Variants in HMGCS2 observed in about 807,000 individuals in gnomAD.
HMGCS2 encodes the protein hydroxymethylglutaryl-CoA synthase, mitochondrial.
Under a neutral mutation model 57.4 loss-of-function variants are expected in HMGCS2, and 50 were observed. The ratio of observed to expected loss-of-function variants is 0.87; its 90% CI spans 0.69 to 1.10. The LOEUF (loss-of-function observed/expected upper bound fraction) is 1.10. Among genes scored for constraint, HMGCS2 ranks in the 50% least tolerant of loss-of-function variants. HMGCS2 has a pLI of 0.00. For synonymous variants in HMGCS2, 254 were observed against 245.1 expected (o/e 1.04, Z -0.34); for missense variants, 627 against 636.5 (o/e 0.99, Z 0.16).
Position 119,753,420 on chromosome 1 carries a change from C to A in HMGCS2, c.1188-34G>T, listed in dbSNP as rs1652729341. The A allele has an allele frequency of 3.8e-6, 3 of 780,082 alleles. No homozygotes were observed. In the East Asian group the frequency reaches 8.0e-5, roughly 21 times the overall value. The allele number at this position is 780,082 out of a possible 1,614,324, so 48.3% of individuals were successfully genotyped here. On this transcript the variant is annotated intron_variant, in intron 6 of 9. Coordinates refer to ENST00000369406, the MANE Select transcript of HMGCS2 (RefSeq NM_005518.4). ...AAAGAAATCAAATAAAACACACACA[C>A]ACACACACACACACACACACACACA...
At chr1:119,755,912 T>TA (rs1491355855) in intron 5 of HMGCS2, among the ~76,000 whole-genome samples, 9 of 22,378 alleles carry the variant, frequency 4.0e-4, no homozygotes, top group African/African-American at 9.4e-4. Flanking sequence ...TATATATATA[T>TA]TTTTTTTCCA....
chr1:119,750,044 A>T (rs947324036), intron 9 of HMGCS2, among the ~76,000 whole-genome samples: 4 of 152,092 alleles, frequency 2.6e-5, no homozygotes, highest in Non-Finnish European at 5.9e-5. Flanking sequence ...ATCCTCTTTC[A>T]CCTTGCTCTC....
In HMGCS2 at chr1:119,764,158, G is replaced by T. The variant is rs587731229; in HGVS notation, c.559+14C>A. ...CCAGCACCTTTCTTACATAAGGTTCGTGGCCGTACATACCATCCCAGGAAC... is the reference window on the plus strand; with the variant it reads ...CCAGCACCTTTCTTACATAAGGTTCTTGGCCGTACATACCATCCCAGGAAC... On this transcript the variant is annotated intron_variant, in intron 2 of 9. Transcript: ENST00000369406. 1 of 1,610,550 alleles carries T rather than the reference G, an allele frequency of 6.2e-7. No homozygotes were observed. Among genetic ancestry groups the T allele is most frequent in the African/African-American group, 1.3e-5 (1 of 74,950 alleles).
intron 3 of HMGCS2, 140 bp downstream of exon 3, chr1:119,759,724 G>C: frequency 9.9e-7 from 1 of 1,010,492 alleles, no homozygotes; most frequent in Non-Finnish European, 1.5e-6. Context: ...CTGCTCCATA[G>C]ACCAGCCCTT....
In HMGCS2 at chr1:119,757,424, G is replaced by T; in HGVS notation, c.865C>A (p.Pro289Thr). The T allele has an allele frequency of 1.2e-6, 2 of 1,613,988 alleles. No individual in the cohort carries two copies. Among genetic ancestry groups the T allele is most frequent in the Non-Finnish European group, 1.7e-6 (2 of 1,179,840 alleles). The change falls in exon 5 of 10, where the codon CCC (proline) becomes ACC (threonine). Residue 289 changes from proline to threonine, a missense_variant. Physicochemically the swap from Pro to Thr is conservative, Grantham distance 38. Coordinates refer to ENST00000369406, the MANE Select transcript of HMGCS2 (RefSeq NM_005518.4). ...NQWKQAGSDR[P>T]FTLDDLQYMI... ...TACTGTAAATCGTCAAGGGTGAAGG[G>T]TCGATCGCTGCCAGCTGGAAGAGGA...
chr1:119,768,607 A>G (rs1653317740), intron 1 of HMGCS2, 134 bp downstream of exon 1: 1 of 710,538 alleles, frequency 1.4e-6, no homozygotes, highest in African/African-American at 1.7e-5. Context: ...GACCCTTTAA[A>G]GTTAACTTGC....
chr1:119,757,730 A>T (rs1652898123), intron 4 of HMGCS2, among the ~76,000 whole-genome samples: 1 of 152,220 alleles, frequency 6.6e-6, no homozygotes, highest in Non-Finnish European at 1.5e-5. Flanking sequence ...TTGCCAGAGG[A>T]GGAACCGGTC....
intron 1 of HMGCS2, among the ~76,000 whole-genome samples, chr1:119,767,848 C>G (rs939906335): frequency 1.3e-5 from 2 of 152,110 alleles, no homozygotes; most frequent in Non-Finnish European, 2.9e-5. Context: ...ACATTTAACC[C>G]ACATGCAGGG....
rs753951704 is a variant in HMGCS2 at position 119,755,534 on chromosome 1, A to C, written c.1080T>G (p.Ser360=). 61 of 1,613,978 alleles carry C rather than the reference A, an allele frequency of 3.8e-5. No individual in the cohort carries two copies. Among genetic ancestry groups the C allele is most frequent in the Non-Finnish European group, 4.9e-5 (58 of 1,180,022 alleles). The change falls in exon 6 of 10, where the codon TCT becomes TCG. Residue 360 remains serine (S), a synonymous_variant. Transcript: ENST00000369406. ...TGGTTTTCTTGTCGAACATGTCCTG[A>C]GAGGCCTTTAGAAGTGCTTTATCCA... is the stretch of plus-strand genomic sequence containing the variant. ...KDLDKALLKA[S]QDMFDKKTKA...
In HMGCS2 at chr1:119,753,260, A is replaced by C; in HGVS notation, c.1294+20T>G. On this transcript the variant is annotated intron_variant, in intron 7 of 9. Transcript: ENST00000369406. ...CAGATGAATCTTGTCAGGAAGGCCT[A>C]CTAGAAAGATGACACTCACCTGGAG... 2 of 1,458,506 alleles carry C rather than the reference A, an allele frequency of 1.4e-6. No individual in the cohort carries two copies. The highest frequency in any genetic ancestry group is 1.9e-6 in the Non-Finnish European group (2 of 1,038,548). The allele number at this position is 1,458,506 out of a possible 1,614,324, so 90.3% of individuals were successfully genotyped here. A position where few individuals can be genotyped will look rare whatever the true frequency, so the allele number is the denominator to read the frequency against.
chr1:119,759,561 G>A, intron 3 of HMGCS2: 1 of 576,244 alleles, frequency 1.7e-6, no homozygotes, highest in East Asian at 3.0e-5. Flanking sequence ...TTTATATCCA[G>A]TTATATATTT....
intron 5 of HMGCS2, among the ~76,000 whole-genome samples, chr1:119,756,831 T>A (rs2101257269): frequency 6.6e-6 from 1 of 152,302 alleles, no homozygotes; most frequent in South Asian, 2.1e-4. Flanking sequence ...CTTCTGTGTG[T>A]TTGTGTCTGT....
intron 8 of HMGCS2, among the ~76,000 whole-genome samples, chr1:119,751,630 ACTCCTGGC>A (rs1381493751): frequency 6.6e-6 from 1 of 151,420 alleles, no homozygotes; most frequent in Non-Finnish European, 1.5e-5. Context: ...CTGGTCTCAA[ACTCCTGGC>A]CTCAAGTGAT....
intron 2 of HMGCS2, 120 bp from the exon 3 acceptor site, chr1:119,760,109 T>C: frequency 1.1e-6 from 1 of 946,082 alleles, no homozygotes; most frequent in South Asian, 1.5e-5. Flanking sequence ...AAATAAAAAA[T>C]CCCAGTCCTG....
intron 1 of HMGCS2, 69 bp from the exon 2 acceptor site, chr1:119,764,695 T>C: frequency 2.7e-6 from 3 of 1,094,480 alleles, no homozygotes; most frequent in South Asian, 1.3e-5. Context: ...GACAGTAACA[T>C]AGCAATCATT....
In HMGCS2 at chr1:119,748,319, G is replaced by C. The variant is rs2101239615; in HGVS notation, c.*528C>G. 6.6e-6 allele frequency: 1 copy of C among 152,384 alleles called. No individual in the cohort carries two copies. Among genetic ancestry groups the C allele is most frequent in the Non-Finnish European group, 1.5e-5 (1 of 68,040 alleles). 9.4% of individuals were successfully genotyped at this position (152,384 alleles called of 1,614,324 possible). ...CCAGCCCTCTGACCCACAAGGTCTAGCAGGCTTGCTGCATGTTAGGCTGGG... is the reference window on the plus strand; with the variant it reads ...CCAGCCCTCTGACCCACAAGGTCTACCAGGCTTGCTGCATGTTAGGCTGGG... On this transcript the variant is annotated 3_prime_UTR_variant, in exon 10 of 10. Coordinates refer to ENST00000369406, the MANE Select transcript of HMGCS2 (RefSeq NM_005518.4).
At chr1:119,767,125 G>A (rs1653256558) in intron 1 of HMGCS2, among the ~76,000 whole-genome samples, 1 of 152,156 alleles carries the variant, frequency 6.6e-6, no homozygotes, top group Admixed American at 6.6e-5. Flanking sequence ...CAAAGGGGTT[G>A]GACAAAGAAA....
At chr1:119,757,496 C>T (rs1216664625) in intron 4 of HMGCS2, 58 bp from the exon 5 acceptor site, 3 of 1,612,526 alleles carry the variant, frequency 1.9e-6, no homozygotes, top group Admixed American at 1.7e-5. Context: ...ATTTAGATAT[C>T]CTCCCTGAGA....
At chr1:119,767,357 T>C (rs946307549) in intron 1 of HMGCS2, among the ~76,000 whole-genome samples, 2 of 152,130 alleles carry the variant, frequency 1.3e-5, no homozygotes, top group Non-Finnish European at 2.9e-5. Context: ...GACAGACTTC[T>C]GCCAGTGAAG....
Sources: gnomAD v4.1 joint callset for allele counts (sites outside exome capture counted in the v4.1 genomes callset) on GRCh38, gnomAD v4.1.1 for gene constraint, MANE v1.5 for transcripts, NCBI Gene and HGNC (gene_info 2026-07-23, HGNC 2026-07-21) for gene names.